The following RBM47 variants were observed in gnomAD, a reference collection of about 807,000 sequenced individuals.
RBM47 encodes the protein RNA binding motif protein 47.
RBM47 carries 21 observed loss-of-function variants against 47.1 expected under a neutral mutation model. That is an observed-to-expected ratio of 0.45 (90% CI 0.32 to 0.64). The LOEUF is 0.64. RBM47 is among the 30% of genes least tolerant of loss of function. The probability of loss-of-function intolerance (pLI) is 0.05; values close to 1 mark genes in which losing one functional copy is unlikely to be tolerated. For synonymous variants in RBM47, 375 were observed against 361.7 expected (o/e 1.04, Z -0.42); for missense variants, 708 against 870.9 (o/e 0.81, Z 2.35).
intron 1 of RBM47, among the ~76,000 whole-genome samples, chr4:40,579,484 G>C (rs1379450836): frequency 6.7e-6 from 1 of 149,324 alleles, no homozygotes; most frequent in Admixed American, 6.7e-5. Flanking sequence ...AACTAGTTCA[G>C]ATTCTCTAGG....
intron 3 of RBM47, among the ~76,000 whole-genome samples, chr4:40,458,622 A>G (rs1359054064): frequency 1.3e-5 from 2 of 152,228 alleles, no homozygotes; most frequent in African/African-American, 4.8e-5. Context: ...TAAAAAAGGA[A>G]GTGAACTTTC....
rs369767445 is a variant in RBM47, at chr4:40,480,683, C to T, written c.-154-13984G>A. 2.6e-5 allele frequency among the ~76,000 whole-genome samples: 4 copies of T among 152,206 alleles called. No individual in the cohort carries two copies. The East Asian group carries it at 5.8e-4, about 22-fold the overall frequency. On this transcript the variant is annotated intron_variant, in intron 2 of 6. Transcript: ENST00000295971. ...TTTCTCTCTAAGCCCTTCCTCTACC[C>T]GAGGCAGCACTCTTCATTAATTCTT...
At chr4:40,493,173 T>A (rs1051052732) in intron 2 of RBM47, among the ~76,000 whole-genome samples, 1 of 152,174 alleles carries the variant, frequency 6.6e-6, no homozygotes, top group African/African-American at 2.4e-5. Flanking sequence ...ATTTATAGGA[T>A]TCCCCCTATG....
chr4:40,450,702 T>C (rs565184143), intron 3 of RBM47, among the ~76,000 whole-genome samples: 2 of 152,270 alleles, frequency 1.3e-5, no homozygotes, highest in East Asian at 3.9e-4. Context: ...ACCCAGGGTT[T>C]TTGAACCTCA....
intron 2 of RBM47, among the ~76,000 whole-genome samples, chr4:40,505,822 G>A (rs1014879169): frequency 1.3e-5 from 2 of 151,900 alleles, no homozygotes; most frequent in African/African-American, 4.8e-5. Flanking sequence ...AACCCAGGAA[G>A]CAGACGTTGC....
At chr4:40,549,384 G>A (rs575907043) in intron 1 of RBM47, among the ~76,000 whole-genome samples, 8 of 152,104 alleles carry the variant, frequency 5.3e-5, no homozygotes, top group African/African-American at 9.7e-5. Flanking sequence ...GAGCCACCAC[G>A]CCCAGCCAGT....
chr4:40,525,372 C>T (rs1301957414), intron 2 of RBM47, among the ~76,000 whole-genome samples: 1 of 152,142 alleles, frequency 6.6e-6, no homozygotes, highest in African/African-American at 2.4e-5. Flanking sequence ...GCACGAGAAT[C>T]GCTTGAACCC....
intron 1 of RBM47, among the ~76,000 whole-genome samples, chr4:40,551,841 G>A (rs370011310): frequency 1.2e-4 from 18 of 151,800 alleles, no homozygotes; most frequent in African/African-American, 4.1e-4. Flanking sequence ...TAGAGACAGG[G>A]TTTCACTATG....
At chr4:40,578,053 C>A (rs1410236176) in intron 1 of RBM47, among the ~76,000 whole-genome samples, 1 of 152,098 alleles carries the variant, frequency 6.6e-6, no homozygotes, top group Non-Finnish European at 1.5e-5. Context: ...CCCAATAGAC[C>A]AGACTGAAAA....
chr4:40,436,878 GA>G, intron 4 of RBM47: 1 of 658,654 alleles, frequency 1.5e-6, no homozygotes, highest in Non-Finnish European at 2.8e-6. Context: ...GAGTTTCTAG[GA>G]TTGTATCTGC....
At chr4:40,610,534 C>A (rs560873420) in intron 1 of RBM47, among the ~76,000 whole-genome samples, 1 of 146,776 alleles carries the variant, frequency 6.8e-6, no homozygotes, top group Non-Finnish European at 1.5e-5. Flanking sequence ...GGCGTGAACC[C>A]GGGCGGTGGA....
Position 40,430,019 on chromosome 4 carries a change from C to T in RBM47, c.1542+2632G>A, listed in dbSNP as rs556413614. On this transcript the variant is annotated intron_variant, in intron 6 of 6. Coordinates refer to ENST00000295971, the MANE Select transcript of RBM47 (RefSeq NM_001098634.2). Reference sequence around the variant, plus strand: ...ACCATCCTGGCTAACAGGTGAAACCCCGTCTCCACTAAAAAAATACAAAAA... The same window carrying T: ...ACCATCCTGGCTAACAGGTGAAACCTCGTCTCCACTAAAAAAATACAAAAA... 8.6e-5 allele frequency among the ~76,000 whole-genome samples: 13 copies of T among 152,036 alleles called. No individual in the cohort carries two copies. In the South Asian group the frequency reaches 2.7e-3, roughly 32 times the overall value.
intron 1 of RBM47, among the ~76,000 whole-genome samples, chr4:40,612,270 G>A (rs1222349624): frequency 1.3e-5 from 2 of 152,180 alleles, no homozygotes; most frequent in African/African-American, 2.4e-5. Flanking sequence ...AGTGGCTCAC[G>A]CCTGTAATCC....
intron 1 of RBM47, among the ~76,000 whole-genome samples, chr4:40,564,609 C>T (rs1370883001): frequency 1.3e-5 from 2 of 152,198 alleles, no homozygotes; most frequent in Non-Finnish European, 2.9e-5. Flanking sequence ...GTTGGTTTAT[C>T]ATCAAACATG....
At chr4:40,446,760 A>AG (rs1714596915) in intron 3 of RBM47, among the ~76,000 whole-genome samples, 1 of 143,782 alleles carries the variant, frequency 7.0e-6, no homozygotes, top group African/African-American at 2.5e-5. Flanking sequence ...AAAAAAAAAA[A>AG]GGAAAAAAGA....
At chr4:40,520,248 C>T (rs923817104) in intron 2 of RBM47, among the ~76,000 whole-genome samples, 2 of 152,136 alleles carry the variant, frequency 1.3e-5, no homozygotes, top group Non-Finnish European at 2.9e-5. Context: ...TTATGTGTCC[C>T]TGAGAAAGGA....
chr4:40,441,680 G>C (rs1713673847), intron 3 of RBM47, among the ~76,000 whole-genome samples: 1 of 152,170 alleles, frequency 6.6e-6, no homozygotes, highest in Non-Finnish European at 1.5e-5. Flanking sequence ...TTGCCTTCCT[G>C]TCACCCTAAC....
chr4:40,555,813 A>T (rs1210745146), intron 1 of RBM47, among the ~76,000 whole-genome samples: 1 of 152,164 alleles, frequency 6.6e-6, no homozygotes, highest in Non-Finnish European at 1.5e-5. Flanking sequence ...GGAAAGATGA[A>T]CAGCCAAGGT....
chr4:40,477,421 T>C (rs1719776949), intron 2 of RBM47, among the ~76,000 whole-genome samples: 2 of 152,326 alleles, frequency 1.3e-5, no homozygotes, highest in South Asian at 4.1e-4. Flanking sequence ...GAAGGAACTC[T>C]GAAGCAGTCA....
Sources: gnomAD v4.1 joint callset for allele counts (sites outside exome capture counted in the v4.1 genomes callset) on GRCh38, gnomAD v4.1.1 for gene constraint, MANE v1.5 for transcripts, NCBI Gene and HGNC (gene_info 2026-07-23, HGNC 2026-07-21) for gene names.